Variants in ELMOD1 observed in about 807,000 individuals in gnomAD.
ELMOD1 encodes ELMO domain-containing protein 1.
In ELMOD1, 21 loss-of-function variants were observed where a neutral mutation model predicts 46.7. The observed-to-expected ratio is 0.45, with a 90% CI of 0.32 to 0.65. The LOEUF (loss-of-function observed/expected upper bound fraction) is 0.65. ELMOD1 is among the 30% of genes least tolerant of loss of function. The pLI is 0.04. For missense variants in ELMOD1, 348 were observed against 407.8 expected (o/e 0.85, Z 1.26); for synonymous variants, 122 against 138.2 (o/e 0.88, Z 0.82).
intron 10 of ELMOD1, among the ~76,000 whole-genome samples, chr11:107,654,427 A>G (rs561113495): frequency 1.3e-5 from 2 of 152,314 alleles, no homozygotes; most frequent in East Asian, 3.9e-4. Flanking sequence ...AACAACTGAC[A>G]AGGTAGAAAG....
chr11:107,601,056 G>A (rs1865589286), intron 1 of ELMOD1, among the ~76,000 whole-genome samples: 1 of 152,042 alleles, frequency 6.6e-6, no homozygotes, highest in African/African-American at 2.4e-5. Flanking sequence ...ATTGCTACAA[G>A]ACTTATAATG....
rs200602594 is a variant in ELMOD1 at position 107,650,355 on chromosome 11, C to A, written c.575C>A (p.Ala192Asp). The A allele has an allele frequency of 7.5e-6, 12 of 1,590,988 alleles. No individual in the cohort carries two copies. The highest frequency in any genetic ancestry group is 1.0e-5 in the Non-Finnish European group (12 of 1,167,730). Reference protein sequence around the residue: ...YNLQYFAERDATAAQQVLSDS... With the variant: ...YNLQYFAERDDTAAQQVLSDS... ...TGCAGGTATTTCGCGGAAAGGGATG[C>A]CACAGCAGCTCAGCAGGTCCTGTCT... is the stretch of plus-strand genomic sequence containing the variant. Residue 192 changes from alanine (A) to aspartate (D), a missense_variant, in exon 8 of 12, where the codon GCC (alanine) becomes GAC (aspartate). Transcript: ENST00000265840.
At chr11:107,619,047 T>C (rs1379220399) in intron 2 of ELMOD1, among the ~76,000 whole-genome samples, 2 of 152,178 alleles carry the variant, frequency 1.3e-5, no homozygotes, top group African/African-American at 2.4e-5. Context: ...CTAAGCAAAT[T>C]AATAGGCTTG....
intron 6 of ELMOD1, chr11:107,643,594 T>C (rs79247131): frequency 0.035 from 18,437 of 524,960 alleles, 546 homozygotes; most frequent in African/African-American, 0.075. Context: ...TTGCTGTCAT[T>C]TGAGTACAAG....
intron 2 of ELMOD1, among the ~76,000 whole-genome samples, chr11:107,629,005 G>A (rs1866091789): frequency 1.3e-5 from 2 of 151,990 alleles, no homozygotes; most frequent in Non-Finnish European, 2.9e-5. Context: ...ATATTTTCAT[G>A]TTATTAGATA....
chr11:107,654,126 T>C, intron 9 of ELMOD1, 46 bp from the exon 10 acceptor site: 1 of 1,483,274 alleles, frequency 6.7e-7, no homozygotes, highest in Non-Finnish European at 9.2e-7. Context: ...CAAGTACCAA[T>C]TAGAGGTTAA....
chr11:107,657,442 G>C (rs988970007), intron 11 of ELMOD1, among the ~76,000 whole-genome samples: 1 of 152,086 alleles, frequency 6.6e-6, no homozygotes, highest in Non-Finnish European at 1.5e-5. Flanking sequence ...TGAGAAGATC[G>C]CTTGAGCCCA....
At chr11:107,602,721 A>T (rs1424574382) in intron 1 of ELMOD1, among the ~76,000 whole-genome samples, 1 of 131,222 alleles carries the variant, frequency 7.6e-6, no homozygotes. Flanking sequence ...GTTCTTTCAG[A>T]TTCCCTTTTT....
chr11:107,617,977 G>C, intron 1 of ELMOD1, 128 bp from the exon 2 acceptor site: 1 of 602,302 alleles, frequency 1.7e-6, no homozygotes, highest in Non-Finnish European at 3.0e-6. Context: ...ATTGCTCTGT[G>C]GGCAGTTCTG....
rs141176945 is a variant in ELMOD1 at position 107,625,471 on chromosome 11, C to T, written c.18-4946C>T. The T allele has an allele frequency of 1.3e-3, 1,294 of 985,388 alleles. 15 individuals are homozygous for T. The African/African-American group carries it at 0.021, about 16-fold the overall frequency. 61.0% of individuals were successfully genotyped at this position (985,388 alleles called of 1,614,324 possible). A position where few individuals can be genotyped will look rare whatever the true frequency, so the allele number is the denominator to read the frequency against. ...TTCAAAATAAGCCACTTTTCTCTTACTGTTCCAAAAGAAGACGTCAGAGTC... is the reference window on the plus strand; with the variant it reads ...TTCAAAATAAGCCACTTTTCTCTTATTGTTCCAAAAGAAGACGTCAGAGTC... On this transcript the variant is annotated intron_variant, in intron 2 of 11. Coordinates refer to ENST00000265840, the MANE Select transcript of ELMOD1 (RefSeq NM_018712.4).
At chr11:107,652,211 G>C (rs1288456291) in intron 9 of ELMOD1, among the ~76,000 whole-genome samples, 1 of 152,192 alleles carries the variant, frequency 6.6e-6, no homozygotes, top group Non-Finnish European at 1.5e-5. Flanking sequence ...TATCAACGTA[G>C]GTTCTGTCAA....
rs573533655 is a variant in ELMOD1 at position 107,642,839 on chromosome 11, A to T, written c.421-4629A>T. ...TCTAAAATGATACATACCGTACATA[A>T]TTAATGTTAATCATGTGATCGTTAT... On this transcript the variant is annotated intron_variant, in intron 6 of 11. Transcript: ENST00000265840. The T allele has an allele frequency of 1.6e-5, 4 of 257,538 alleles. No homozygotes were observed. In the South Asian group the frequency reaches 2.0e-4, roughly 13 times the overall value. 16.0% of individuals were successfully genotyped at this position (257,538 alleles called of 1,614,324 possible).
chr11:107,644,907 GGTTTTTGTTTTT>G (rs201677228), intron 6 of ELMOD1, among the ~76,000 whole-genome samples: 197 of 119,278 alleles, frequency 1.7e-3, no homozygotes, highest in Admixed American at 5.1e-3. Context: ...GTTCCTAAAG[GGTTTTTGTTTTT>G]GTTTTTGTTT....
intron 6 of ELMOD1, among the ~76,000 whole-genome samples, chr11:107,644,660 G>A (rs1044790905): frequency 3.3e-5 from 5 of 151,512 alleles, no homozygotes; most frequent in Admixed American, 3.3e-4. Flanking sequence ...ATTTTTAGTA[G>A]AGACGGGGTT....
chr11:107,659,046 TG>T (rs1442451416), intron 11 of ELMOD1, among the ~76,000 whole-genome samples: 1 of 151,986 alleles, frequency 6.6e-6, no homozygotes, highest in African/African-American at 2.4e-5. Flanking sequence ...AAAGAATGAG[TG>T]GCAGGAAATA....
chr11:107,650,326 C>A lies in ELMOD1; in HGVS notation c.555-9C>A. On this transcript the variant is annotated splice_polypyrimidine_tract_variant and intron_variant, in intron 7 of 11. Coordinates refer to ENST00000265840, the MANE Select transcript of ELMOD1 (RefSeq NM_018712.4). ...ATAGAGTTACGGTTTTCTTTCCCTCCCGCTGCAGGTATTTCGCGGAAAGGG... is the reference window on the plus strand; with the variant it reads ...ATAGAGTTACGGTTTTCTTTCCCTCACGCTGCAGGTATTTCGCGGAAAGGG... 1 of 1,566,338 alleles carries A rather than the reference C, an allele frequency of 6.4e-7. No homozygotes were observed.
At chr11:107,605,155 C>G (rs1865663959) in intron 1 of ELMOD1, among the ~76,000 whole-genome samples, 1 of 150,522 alleles carries the variant, frequency 6.6e-6, no homozygotes, top group East Asian at 1.9e-4. Flanking sequence ...TTTAAAATCT[C>G]CTTATTCTTT....
At position 107,617,314 on chromosome 11, in the gene ELMOD1, G is replaced by A. The variant is rs576166337; in HGVS notation, c.-85-791G>A. 1.5e-3 allele frequency among the ~76,000 whole-genome samples: 221 copies of A among 152,258 alleles called. 2 individuals are homozygous for A. The highest frequency in any genetic ancestry group is 0.013 in the South Asian group (63 of 4,804). On this transcript the variant is annotated intron_variant, in intron 1 of 11. Transcript: ENST00000265840. ...GCAGCTCTTTTTCGAATGTATATTC[G>A]TTTCCTTGCATTTCTGCTGCAGTGG...
At position 107,593,795 on chromosome 11, in the gene ELMOD1, G is replaced by A. The variant is rs566123429; in HGVS notation, c.-86+2386G>A. 3.3e-5 allele frequency among the ~76,000 whole-genome samples: 5 copies of A among 152,238 alleles called. No homozygotes were observed. The East Asian group carries it at 5.8e-4, about 18-fold the overall frequency. ...TTTATCCTAAATTCAGTTTCGACTG[G>A]GCAGCCTGTATTTTTCTGGCAACCT... On this transcript the variant is annotated intron_variant, in intron 1 of 11. Coordinates refer to ENST00000265840, the MANE Select transcript of ELMOD1 (RefSeq NM_018712.4).
Sources: gnomAD v4.1 joint callset for allele counts (sites outside exome capture counted in the v4.1 genomes callset) on GRCh38, gnomAD v4.1.1 for gene constraint, MANE v1.5 for transcripts, NCBI Gene and HGNC (gene_info 2026-07-23, HGNC 2026-07-21) for gene names.